Variants in SLC6A9 observed in about 807,000 individuals in gnomAD.
SLC6A9 encodes the protein sodium- and chloride-dependent glycine transporter 1.
A neutral mutation model predicts 70.9 loss-of-function variants in SLC6A9; 31 were observed. That is an observed-to-expected ratio of 0.44 (90% CI 0.33 to 0.59). The LOEUF (loss-of-function observed/expected upper bound fraction) is 0.59. Among genes scored for constraint, SLC6A9 ranks in the 20% least tolerant of loss-of-function variants. The pLI is 0.04. For missense variants in SLC6A9, 631 were observed against 845.2 expected (o/e 0.75, Z 3.14); for synonymous variants, 310 against 341.3 (o/e 0.91, Z 1.01).
At chr1:44,003,111 C>T in intron 5 of SLC6A9, 126 bp from the exon 6 acceptor site, 1 of 1,131,550 alleles carries the variant, frequency 8.8e-7, no homozygotes, top group South Asian at 1.4e-5. Context: ...CCTTGTGTGA[C>T]ATGGGAGCTA....
chr1:44,017,413 T>C (rs2086790613), intron 2 of SLC6A9: 1 of 1,116,216 alleles, frequency 9.0e-7, no homozygotes, highest in Non-Finnish European at 1.1e-6. Flanking sequence ...ACACACAGAC[T>C]GGGGCAGAGC....
In SLC6A9 at chr1:44,002,557, G is replaced by A. The variant is rs147328144; in HGVS notation, c.813C>T (p.Ile271=). 5.6e-6 allele frequency: 9 copies of A among 1,614,122 alleles called. No homozygotes were observed. The highest frequency in any genetic ancestry group is 7.6e-6 in the Non-Finnish European group (9 of 1,180,004). ...CCCACTGCGGGGTTAGGTAGTACAT[G>A]ATGCCGTCAAAGGCTCCCTCCAGGG... ...GVTLEGAFDG[I]MYYLTPQWDK... is the part of the protein sequence containing the mutation. The change falls in exon 7 of 14, where the codon ATC becomes ATT. Residue 271 remains isoleucine, a synonymous_variant. Transcript: ENST00000372310. The surrounding 1 kb of genome is among the most constrained non-coding windows in gnomAD (Gnocchi z 5.5).
In SLC6A9 at chr1:43,997,029, T is replaced by C. The variant is rs1392055767; in HGVS notation, c.*516A>G. The C allele has an allele frequency of 1.9e-5, 3 of 155,634 alleles. No individual in the cohort carries two copies. The highest frequency in any genetic ancestry group is 1.3e-4 in the Admixed American group (2 of 15,300). 9.6% of individuals were successfully genotyped at this position (155,634 alleles called of 1,614,324 possible). A position where few individuals can be genotyped will look rare whatever the true frequency, so the allele number is the denominator to read the frequency against. ...GAGGTGGCGACCACAGAGAATACAA[T>C]GTTTACAAAAATAATTACACAGATA... On this transcript the variant is annotated 3_prime_UTR_variant, in exon 14 of 14. Coordinates refer to ENST00000372310, the MANE Select transcript of SLC6A9 (RefSeq NM_001024845.3). The surrounding 1 kb of genome is among the most constrained non-coding windows in gnomAD (Gnocchi z 4.4).
chr1:44,002,372 G>T lies in SLC6A9; in HGVS notation c.903C>A (p.Cys301Ter). The change falls in exon 8 of 14, where the codon TGC becomes TGA. Residue 301 changes from cysteine to a stop codon, truncating the protein, a stop_gained. Coordinates refer to ENST00000372310, the MANE Select transcript of SLC6A9 (RefSeq NM_001024845.3). LOFTEE classifies it high-confidence loss of function. This position sits in a 1 kb window ranked among gnomAD's most constrained non-coding sequence, Gnocchi z 5.5. ...AASQIFYSLG[C>*]AWGGLITMAS... is the part of the protein sequence containing the mutation. Reference sequence around the variant, plus strand: ...CCATGGTGATGAGGCCTCCCCACGCGCAGCCCAGTGAGTAGAAGATCTGGG... The same window carrying T: ...CCATGGTGATGAGGCCTCCCCACGCTCAGCCCAGTGAGTAGAAGATCTGGG... 3.1e-6 allele frequency: 5 copies of T among 1,614,070 alleles called. No individual in the cohort carries two copies. Among genetic ancestry groups the T allele is most frequent in the Non-Finnish European group, 4.2e-6 (5 of 1,179,934 alleles).
At chr1:44,022,718 C>CTTTTTTT (rs777966364) in intron 2 of SLC6A9, among the ~76,000 whole-genome samples, 6 of 59,942 alleles carry the variant, frequency 1.0e-4, no homozygotes, top group African/African-American at 1.5e-4. Context: ...TTCTTTCTTT[C>CTTTTTTT]TTTCTTTTTT....
intron 2 of SLC6A9, among the ~76,000 whole-genome samples, chr1:44,023,201 G>A (rs550578893): frequency 2.0e-4 from 31 of 152,256 alleles, no homozygotes; most frequent in South Asian, 4.1e-4. Flanking sequence ...CCCCACCCCC[G>A]GCAGCCGTCC....
chr1:44,019,658 G>A (rs2086843974), intron 2 of SLC6A9, among the ~76,000 whole-genome samples: 3 of 152,268 alleles, frequency 2.0e-5, no homozygotes. Context: ...ATGGGGACAG[G>A]AGGCGGCAGC....
At chr1:43,999,902 C>G (rs1356488906) in intron 12 of SLC6A9, among the ~76,000 whole-genome samples, 1 of 152,206 alleles carries the variant, frequency 6.6e-6, no homozygotes, top group Non-Finnish European at 1.5e-5. Flanking sequence ...TACCTGCCTT[C>G]CCCGAATCCC....
chr1:44,002,754 A>AGTCCCTTCAGCATCCCCTCCCT lies in SLC6A9; in HGVS notation c.723+77_723+98dup, dbSNP rs1451917602. 6.3e-7 allele frequency: 1 copy of AGTCCCTTCAGCATCCCCTCCCT among 1,593,014 alleles called. No homozygotes were observed. The highest frequency in any genetic ancestry group is 8.6e-7 in the Non-Finnish European group (1 of 1,163,608). ...CCCCCTGGTCCCTCTCCGGCTCCGG[A>AGTCCCTTCAGCATCCCCTCCCT]GTCCCTTCAGCATCCCCTCCCTGCA... is the stretch of plus-strand genomic sequence containing the variant. On this transcript the variant is annotated intron_variant, in intron 6 of 13. Transcript: ENST00000372310. The surrounding 1 kb of genome is among the most constrained non-coding windows in gnomAD (Gnocchi z 5.5).
chr1:44,019,785 G>A (rs1219059800), intron 2 of SLC6A9, among the ~76,000 whole-genome samples: 1 of 152,264 alleles, frequency 6.6e-6, no homozygotes, highest in African/African-American at 2.4e-5. Context: ...AATAAGAGTG[G>A]GCATGCTTCC....
At chr1:44,019,804 A>C (rs2086847211) in intron 2 of SLC6A9, among the ~76,000 whole-genome samples, 1 of 152,246 alleles carries the variant, frequency 6.6e-6, no homozygotes, top group African/African-American at 2.4e-5. Context: ...CCAGAGGGGC[A>C]AGGAGGCTAG....
Position 44,002,260 on chromosome 1 carries a change from G to T in SLC6A9, c.962+53C>A. The stretch of plus-strand genomic sequence containing the variant: ...CATGGCTGCACTGGAGCTGAGATCA[G>T]GCTGCAGAGAGTGCAGGAAGGGGGC... On this transcript the variant is annotated intron_variant, in intron 8 of 13. Transcript: ENST00000372310. This position sits in a 1 kb window ranked among gnomAD's most constrained non-coding sequence, Gnocchi z 5.5. 1 of 1,297,678 alleles carries T rather than the reference G, an allele frequency of 7.7e-7. No individual in the cohort carries two copies. Among genetic ancestry groups the T allele is most frequent in the Non-Finnish European group, 1.1e-6 (1 of 891,748 alleles). 80.4% of individuals were successfully genotyped at this position (1,297,678 alleles called of 1,614,324 possible).
At chr1:44,014,516 G>A (rs1047096103) in intron 2 of SLC6A9, 1 of 152,086 alleles carries the variant, frequency 6.6e-6, no homozygotes, top group Non-Finnish European at 1.5e-5. Flanking sequence ...ATTGAGACAG[G>A]AGTGTCCACC....
intron 4 of SLC6A9, among the ~76,000 whole-genome samples, chr1:44,009,016 G>A (rs1435705881): frequency 1.8e-4 from 25 of 140,998 alleles, no homozygotes; most frequent in African/African-American, 2.9e-4. Flanking sequence ...CACCGCGCCC[G>A]GCCTTTTTTT....
At chr1:44,028,816 G>GAAGC (rs2087034564) in intron 1 of SLC6A9, among the ~76,000 whole-genome samples, 1 of 101,490 alleles carries the variant, frequency 9.9e-6, no homozygotes, top group Non-Finnish European at 1.7e-5. Context: ...AGGAAGGAAA[G>GAAGC]AAGGAAGGAA....
chr1:44,020,681 C>T (rs1011024631), intron 2 of SLC6A9, among the ~76,000 whole-genome samples: 1 of 152,166 alleles, frequency 6.6e-6, no homozygotes, highest in African/African-American at 2.4e-5. Flanking sequence ...ACCAAGCCTG[C>T]ACTAGTTGAG....
Position 44,002,166 on chromosome 1 carries a change from A to G in SLC6A9, c.962+147T>C. On this transcript the variant is annotated intron_variant, in intron 8 of 13. Transcript: ENST00000372310. This position sits in a 1 kb window ranked among gnomAD's most constrained non-coding sequence, Gnocchi z 5.5. ...GCCTAAACCTCTCTCCTCATTCTCC[A>G]ACAACTTTATCCAGAACCAGTATTC... is the stretch of plus-strand genomic sequence containing the variant. 1 of 652,536 alleles carries G rather than the reference A, an allele frequency of 1.5e-6. No individual in the cohort carries two copies. The highest frequency in any genetic ancestry group is 1.8e-5 in the South Asian group (1 of 55,302). The allele number at this position is 652,536 out of a possible 1,614,324, so 40.4% of individuals were successfully genotyped here.
chr1:44,031,185 C>G (rs925621522), intron 1 of SLC6A9, 121 bp downstream of exon 1: 1 of 152,632 alleles, frequency 6.6e-6, no homozygotes, highest in East Asian at 1.9e-4. Context: ...CACACACACA[C>G]ACACACACAC....
At chr1:44,014,310 C>T (rs2086669022) in intron 2 of SLC6A9, among the ~76,000 whole-genome samples, 1 of 152,162 alleles carries the variant, frequency 6.6e-6, no homozygotes, top group African/African-American at 2.4e-5. Flanking sequence ...ACAAAGCAGC[C>T]TCCACTTGCC....
Sources: allele counts gnomAD v4.1 joint callset (sites outside exome capture counted in the v4.1 genomes callset), GRCh38; gene constraint gnomAD v4.1.1; non-coding constraint Gnocchi (gnomAD v3.1); transcripts MANE v1.5; gene names NCBI Gene and HGNC (gene_info 2026-07-23, HGNC 2026-07-21).